Variants in DEFB124 observed in about 807,000 individuals in gnomAD.
The protein encoded by DEFB124 is defensin beta 124.
For missense variants in DEFB124, 78 were observed against 83.1 expected (o/e 0.94, Z 0.24); for synonymous variants, 38 against 36.5 (o/e 1.04, Z -0.15).
intron 2 of DEFB124, among the ~76,000 whole-genome samples, chr20:31,466,425 C>A (rs1197680367): frequency 6.6e-6 from 1 of 151,738 alleles, no homozygotes; most frequent in Non-Finnish European, 1.5e-5. Context: ...CATGGCAAAA[C>A]CCCATCTCTA....
In DEFB124 at chr20:31,465,558, C is replaced by T; in HGVS notation, c.164G>A (p.Cys55Tyr). 6.2e-7 allele frequency: 1 copy of T among 1,614,210 alleles called. No individual in the cohort carries two copies. The highest frequency in any genetic ancestry group is 1.1e-5 in the South Asian group (1 of 91,086). The part of the protein sequence containing the change: ...MHLCPDASLC[C>Y]LSYALKPPPV... ...TGGAGGTTTCAATGCATAGGAGAGACAGCACAGGGACGCATCCGGGCACAG... is the reference window on the plus strand; with the variant it reads ...TGGAGGTTTCAATGCATAGGAGAGATAGCACAGGGACGCATCCGGGCACAG... The change falls in exon 3 of 3, where the codon TGT (cysteine) becomes TAT (tyrosine). Residue 55 changes from cysteine (C) to tyrosine (Y), a missense_variant. Transcript: ENST00000317676.
At chr20:31,471,774 G>A (rs1345026656) in intron 2 of DEFB124, among the ~76,000 whole-genome samples, 4 of 147,712 alleles carry the variant, frequency 2.7e-5, no homozygotes, top group African/African-American at 7.6e-5. Flanking sequence ...GGGGCGGCGG[G>A]GCAGAGGCGC....
At chr20:31,465,969 C>T (rs1484072514) in intron 2 of DEFB124, among the ~76,000 whole-genome samples, 1 of 151,936 alleles carries the variant, frequency 6.6e-6, no homozygotes, top group South Asian at 2.1e-4. Flanking sequence ...CCAGCCTGGC[C>T]AACATGACAA....
chr20:31,465,852 ATTAG>A (rs1378218092), intron 2 of DEFB124, among the ~76,000 whole-genome samples, 189 bp from the exon 3 acceptor site: 2 of 152,210 alleles, frequency 1.3e-5, no homozygotes, highest in African/African-American at 4.8e-5. Context: ...AGGTTAGACC[ATTAG>A]TTACAAATTA....
At position 31,465,488 on chromosome 20, in the gene DEFB124, T is replaced by C. The variant is rs773495037; in HGVS notation, c.*18A>G. 1 of 1,613,318 alleles carries C rather than the reference T, an allele frequency of 6.2e-7. No individual in the cohort carries two copies. Among genetic ancestry groups the C allele is most frequent in the South Asian group, 1.1e-5 (1 of 90,978 alleles). ...GAGACAACTGGCAACCTGTGTTTTATTGGACAGCAGGAACCAGCTACTCAT... is the reference window on the plus strand; with the variant it reads ...GAGACAACTGGCAACCTGTGTTTTACTGGACAGCAGGAACCAGCTACTCAT... On this transcript the variant is annotated 3_prime_UTR_variant, in exon 3 of 3. Transcript: ENST00000317676.
At chr20:31,471,687 G>A (rs570868166) in intron 2 of DEFB124, among the ~76,000 whole-genome samples, 14 of 149,010 alleles carry the variant, frequency 9.4e-5, no homozygotes, top group Admixed American at 3.3e-4. Context: ...CTTCTCAGAC[G>A]GGGCGGCTGG....
In DEFB124 at chr20:31,473,152, G is replaced by C. The variant is rs1173571323; in HGVS notation, c.-25-114C>G. ...CTGTGGGCAGCAGGCCTAAGTGGGA[G>C]TATGAGGCCATGTGGTCCCCAGGCT... is the stretch of plus-strand genomic sequence containing the variant. On this transcript the variant is annotated intron_variant, in intron 1 of 2. Transcript: ENST00000317676. 26 of 889,050 alleles carry C rather than the reference G, an allele frequency of 2.9e-5. No individual in the cohort carries two copies. The East Asian group carries it at 6.4e-4, about 22-fold the overall frequency. 55.1% of individuals were successfully genotyped at this position (889,050 alleles called of 1,614,324 possible). A position where few individuals can be genotyped will look rare whatever the true frequency, so the allele number is the denominator to read the frequency against.
chr20:31,474,832 TTTC>T lies in DEFB124; in HGVS notation c.-234_-232del, dbSNP rs1173368100. 6.6e-6 allele frequency among the ~76,000 whole-genome samples: 1 copy of T among 151,972 alleles called. No homozygotes were observed. Among genetic ancestry groups the T allele is most frequent in the African/African-American group, 2.4e-5 (1 of 41,386 alleles). On this transcript the variant is annotated 5_prime_UTR_variant, in exon 1 of 3. Coordinates refer to ENST00000317676, the MANE Select transcript of DEFB124 (RefSeq NM_001037500.2). ...AATTAATTCTTCATCCAGAGCAGAG[TTTC>T]TTAAAGTGAGGTCAGTGAACCGCCT...
At chr20:31,467,621 G>C (rs1213073305) in intron 2 of DEFB124, among the ~76,000 whole-genome samples, 4 of 152,178 alleles carry the variant, frequency 2.6e-5, no homozygotes, top group Non-Finnish European at 4.4e-5. Flanking sequence ...GAACAACCAG[G>C]ACCCATTCTA....
At position 31,474,637 on chromosome 20, in the gene DEFB124, T is replaced by C. The variant is rs1980425907; in HGVS notation, c.-36A>G. ...CCTCCTCCTCCATACCTGGGAGCATTTTTTTTTTCAGCCATCAGTAATAGA... is the reference window on the plus strand; with the variant it reads ...CCTCCTCCTCCATACCTGGGAGCATCTTTTTTTTCAGCCATCAGTAATAGA... On this transcript the variant is annotated 5_prime_UTR_variant, in exon 1 of 3. Transcript: ENST00000317676. 6.6e-6 allele frequency among the ~76,000 whole-genome samples: 1 copy of C among 151,604 alleles called. No individual in the cohort carries two copies. Among genetic ancestry groups the C allele is most frequent in the South Asian group, 2.1e-4 (1 of 4,804 alleles).
chr20:31,474,874 T>A lies in DEFB124; in HGVS notation c.-273A>T, dbSNP rs546430289. On this transcript the variant is annotated 5_prime_UTR_variant, in exon 1 of 3. It adds an upstream start codon to the 5' untranslated region. Coordinates refer to ENST00000317676, the MANE Select transcript of DEFB124 (RefSeq NM_001037500.2). ...AGTGAACCGCCTGCATCAGGATCAC[T>A]TGGGGCACTTGTTTAAAACGCAGAT... 6.6e-6 allele frequency among the ~76,000 whole-genome samples: 1 copy of A among 152,336 alleles called. No individual in the cohort carries two copies. The highest frequency in any genetic ancestry group is 1.9e-4 in the East Asian group (1 of 5,194).
At chr20:31,466,888 G>A (rs190208579) in intron 2 of DEFB124, among the ~76,000 whole-genome samples, 10 of 152,134 alleles carry the variant, frequency 6.6e-5, no homozygotes, top group East Asian at 3.9e-4. Flanking sequence ...CAATAAACAC[G>A]GAGCACTAGA....
intron 2 of DEFB124, among the ~76,000 whole-genome samples, chr20:31,470,819 G>A (rs1405868076): frequency 7.2e-6 from 1 of 138,808 alleles, no homozygotes; most frequent in Non-Finnish European, 1.6e-5. Context: ...GGGGCGGCTG[G>A]CCGGGCGGGG....
chr20:31,474,165 T>C (rs1000433540), intron 1 of DEFB124, among the ~76,000 whole-genome samples: 2 of 152,244 alleles, frequency 1.3e-5, no homozygotes, highest in African/African-American at 2.4e-5. Flanking sequence ...GTTCATATTA[T>C]AGTTTTAAAT....
chr20:31,470,434 G>A (rs1384491271), intron 2 of DEFB124, among the ~76,000 whole-genome samples: 21 of 81,350 alleles, frequency 2.6e-4, no homozygotes, highest in Middle Eastern at 0.012. Context: ...GGGGGGCTGA[G>A]CCCCCCACCT....
intron 2 of DEFB124, among the ~76,000 whole-genome samples, chr20:31,471,672 C>T (rs1980315520): frequency 6.7e-6 from 1 of 148,294 alleles, no homozygotes; most frequent in African/African-American, 2.5e-5. Context: ...CGGAGGGGCT[C>T]CTCACTTCTC....
intron 2 of DEFB124, among the ~76,000 whole-genome samples, chr20:31,470,813 C>T (rs1171768860): frequency 1.5e-5 from 2 of 131,792 alleles, no homozygotes; most frequent in Non-Finnish European, 3.3e-5. Context: ...CCGGACGGGG[C>T]GGCTGGCCGG....
intron 2 of DEFB124, chr20:31,472,698 T>A (rs1328971807): frequency 3.7e-5 from 16 of 433,286 alleles, no homozygotes; most frequent in African/African-American, 3.0e-4. Context: ...CTGCTACATG[T>A]CTTTCACTGT....
In DEFB124 at chr20:31,466,606, A is replaced by AATATAT. The variant is rs369305241; in HGVS notation, c.59-949_59-944dup. Among the ~76,000 whole-genome samples the AATATAT allele has an allele frequency of 7.7e-4, 93 of 120,494 alleles. 4 individuals are homozygous for AATATAT. The highest frequency in any genetic ancestry group is 4.2e-3 in the Middle Eastern group (1 of 240). 79.0% of individuals were successfully genotyped at this position (120,494 alleles called of 152,430 possible). ...CAAACTAAGACTCCATCTCAAAAAG[A>AATATAT]ATATATATATATATATAAAACCTTA... On this transcript the variant is annotated intron_variant, in intron 2 of 2. Transcript: ENST00000317676.
Sources: allele counts gnomAD v4.1 joint callset (sites outside exome capture counted in the v4.1 genomes callset), GRCh38; gene constraint gnomAD v4.1.1; transcripts MANE v1.5; gene names NCBI Gene and HGNC (gene_info 2026-07-23, HGNC 2026-07-21).